The following RORB variants were observed in gnomAD, a reference collection of about 807,000 sequenced individuals.
RORB encodes the protein RAR related orphan receptor B, also known as nuclear receptor ROR-beta.
In RORB, 6 loss-of-function variants were observed where a neutral mutation model predicts 59.1. The ratio of observed to expected loss-of-function variants is 0.10; its 90% CI spans 0.06 to 0.20. The LOEUF is 0.20. Ranked by LOEUF, RORB falls within the 10% of genes least tolerant of loss-of-function variation. RORB has a pLI of 1.00. For synonymous variants in RORB, 215 were observed against 204.5 expected (o/e 1.05, Z -0.44); for missense variants, 320 against 560.5 (o/e 0.57, Z 4.33).
chr9:74,507,139 A>G (rs965826262), intron 1 of RORB, among the ~76,000 whole-genome samples: 2 of 152,094 alleles, frequency 1.3e-5, no homozygotes, highest in East Asian at 1.9e-4. Context: ...CAACCACTTC[A>G]TGTTATGCCT....
intron 4 of RORB, among the ~76,000 whole-genome samples, chr9:74,650,924 G>A (rs943649498): frequency 6.6e-6 from 1 of 152,138 alleles, no homozygotes; most frequent in Non-Finnish European, 1.5e-5. Context: ...GTGGTGAGGT[G>A]GGGGAGAGAT....
chr9:74,562,036 A>G (rs556068479), intron 1 of RORB, among the ~76,000 whole-genome samples: 1 of 152,240 alleles, frequency 6.6e-6, no homozygotes, highest in South Asian at 2.1e-4. Flanking sequence ...TATCCCTTTC[A>G]GTGTGCTATA....
chr9:74,567,020 G>A (rs1313286782), intron 1 of RORB, among the ~76,000 whole-genome samples: 4 of 151,380 alleles, frequency 2.6e-5, no homozygotes, highest in Admixed American at 2.0e-4. Context: ...GGCAACAAAT[G>A]CCCACCCCAC....
intron 1 of RORB, among the ~76,000 whole-genome samples, chr9:74,598,249 C>T (rs955920595): frequency 1.3e-5 from 2 of 152,092 alleles, no homozygotes. Context: ...CCACTTACAT[C>T]TCTGAAAGTC....
chr9:74,587,767 A>G (rs867452572), intron 1 of RORB, among the ~76,000 whole-genome samples: 14 of 152,194 alleles, frequency 9.2e-5, no homozygotes, highest in Admixed American at 3.9e-4. Context: ...GCAAGGCCCA[A>G]TGTGTGCACA....
intron 1 of RORB, among the ~76,000 whole-genome samples, chr9:74,549,168 G>A (rs1441198752): frequency 6.6e-6 from 1 of 152,106 alleles, no homozygotes; most frequent in East Asian, 1.9e-4. Context: ...CTTGTCAGCC[G>A]GCTGCAGTGG....
chr9:74,658,458 T>A (rs1190122420), intron 4 of RORB, among the ~76,000 whole-genome samples: 1 of 152,152 alleles, frequency 6.6e-6, no homozygotes, highest in East Asian at 1.9e-4. Flanking sequence ...GGCCAGAGAA[T>A]CCTTAAGCTT....
chr9:74,577,842 C>T lies in RORB; in HGVS notation c.8-52440C>T, dbSNP rs117024064. On this transcript the variant is annotated intron_variant, in intron 1 of 9. Transcript: ENST00000376896. ...CACACTGACAGATGAGTTATGGTGC[C>T]AAGTAGTAATTGCTTTTGTTCAATT... 3.7e-3 allele frequency among the ~76,000 whole-genome samples: 556 copies of T among 152,130 alleles called. 21 individuals carry two copies. In the East Asian group the frequency reaches 0.077, roughly 21 times the overall value.
At chr9:74,575,315 CA>C (rs1413440728) in intron 1 of RORB, among the ~76,000 whole-genome samples, 1 of 152,098 alleles carries the variant, frequency 6.6e-6, no homozygotes, top group Non-Finnish European at 1.5e-5. Context: ...AGTCCCAGGA[CA>C]AAGGGAAGAT....
intron 9 of RORB, among the ~76,000 whole-genome samples, chr9:74,675,178 A>G (rs1824416252): frequency 6.6e-6 from 1 of 152,082 alleles, no homozygotes; most frequent in African/African-American, 2.4e-5. Context: ...GATGGGGGCA[A>G]TGGCATGGAG....
intron 5 of RORB, 137 bp downstream of exon 5, chr9:74,660,875 C>A: frequency 2.4e-6 from 2 of 821,830 alleles, no homozygotes; most frequent in Non-Finnish European, 1.9e-6. Flanking sequence ...TACTTACCAG[C>A]ATCCCTGGCC....
intron 1 of RORB, among the ~76,000 whole-genome samples, chr9:74,521,398 T>C (rs184240207): frequency 6.6e-6 from 1 of 151,980 alleles, no homozygotes; most frequent in East Asian, 1.9e-4. Context: ...CCATGACATT[T>C]AGCTGGATAA....
At chr9:74,675,262 G>A (rs59225243) in intron 9 of RORB, among the ~76,000 whole-genome samples, 1 of 149,792 alleles carries the variant, frequency 6.7e-6, no homozygotes, top group Non-Finnish European at 1.5e-5. Context: ...TGAGAAGCCA[G>A]GAAATGAGAT....
chr9:74,651,703 A>G (rs559155993), intron 4 of RORB, among the ~76,000 whole-genome samples: 2 of 152,318 alleles, frequency 1.3e-5, no homozygotes, highest in African/African-American at 2.4e-5. Context: ...CAAAAGCACA[A>G]ACTAAAAGAC....
chr9:74,659,408 G>T (rs950298597), intron 4 of RORB, among the ~76,000 whole-genome samples: 3 of 152,164 alleles, frequency 2.0e-5, no homozygotes, highest in African/African-American at 7.2e-5. Context: ...TTTTCAACTA[G>T]TGTTCAACTA....
At chr9:74,634,057 T>G (rs1053749904) in intron 2 of RORB, among the ~76,000 whole-genome samples, 5 of 145,248 alleles carry the variant, frequency 3.4e-5, no homozygotes, top group Non-Finnish European at 6.0e-5. Flanking sequence ...GTGAACAGCA[T>G]AGCAAGACAC....
At chr9:74,501,941 A>C (rs1825808321) in intron 1 of RORB, among the ~76,000 whole-genome samples, 2 of 152,200 alleles carry the variant, frequency 1.3e-5, no homozygotes, top group African/African-American at 2.4e-5. Flanking sequence ...AAACTTACTA[A>C]TCTTTGGATT....
chr9:74,678,290 G>C (rs1824481791), intron 9 of RORB, among the ~76,000 whole-genome samples: 1 of 152,182 alleles, frequency 6.6e-6, no homozygotes, highest in Non-Finnish European at 1.5e-5. Context: ...GAGAGGCCCA[G>C]AAAATGTCTC....
chr9:74,585,228 C>T (rs1036401905), intron 1 of RORB, among the ~76,000 whole-genome samples: 4 of 152,178 alleles, frequency 2.6e-5, no homozygotes, highest in Non-Finnish European at 4.4e-5. Flanking sequence ...TCCAAAAGTA[C>T]GACTCAGGAT....
Sources: gnomAD v4.1 joint callset for allele counts (sites outside exome capture counted in the v4.1 genomes callset) on GRCh38, gnomAD v4.1.1 for gene constraint, MANE v1.5 for transcripts, NCBI Gene and HGNC (gene_info 2026-07-23, HGNC 2026-07-21) for gene names.